Variants in PTPN23 observed in about 807,000 individuals in gnomAD.
The protein encoded by PTPN23 is protein tyrosine phosphatase non-receptor type 23.
In PTPN23, 72 loss-of-function variants were observed where a neutral mutation model predicts 156.3. The observed-to-expected ratio is 0.46, with a 90% confidence interval of 0.38 to 0.56. The LOEUF is 0.56. PTPN23 is among the 20% of genes least tolerant of loss of function. PTPN23 has a pLI of 0.00. For missense variants in PTPN23, 1,974 were observed against 2,171.5 expected (o/e 0.91, Z 1.81); for synonymous variants, 957 against 899.6 (o/e 1.06, Z -1.14).
intron 1 of PTPN23, among the ~76,000 whole-genome samples, chr3:47,391,425 C>T (rs185786854): frequency 3.7e-4 from 57 of 152,300 alleles, no homozygotes; most frequent in Non-Finnish European, 6.9e-4. Context: ...CTCATTTCCT[C>T]ATCTGTAAAG....
chr3:47,411,570 C>G lies in PTPN23; in HGVS notation c.3772C>G (p.Pro1258Ala). Residue 1258 changes from proline to alanine, a missense_variant, in exon 20 of 25, where the codon CCG becomes GCG. Coordinates refer to ENST00000265562, the MANE Select transcript of PTPN23 (RefSeq NM_015466.4). The surrounding 1 kb of genome is among the most constrained non-coding windows in gnomAD (Gnocchi z 6.3). ...CVEGLSPYCP[P>A]LVATQAPLPG... Reference sequence around the variant, plus strand: ...GGAGGGGCTCTCCCCATACTGCCCCCCGCTAGTGGCAACCCAGGCCCCACT... The same window carrying G: ...GGAGGGGCTCTCCCCATACTGCCCCGCGCTAGTGGCAACCCAGGCCCCACT... 6.2e-7 allele frequency: 1 copy of G among 1,612,624 alleles called. No homozygotes were observed.
At position 47,406,191 on chromosome 3, in the gene PTPN23, T is replaced by G; in HGVS notation, c.547-134T>G. ...TGTTGAATCAGGAGCACCGTGGTGC[T>G]GCTTGGAGTGGGGGCAGCTGGGGGA... On this transcript the variant is annotated intron_variant, in intron 6 of 24. Coordinates refer to ENST00000265562, the MANE Select transcript of PTPN23 (RefSeq NM_015466.4). The surrounding 1 kb of genome is among the most constrained non-coding windows in gnomAD (Gnocchi z 5.8). The G allele has an allele frequency of 1.4e-6, 2 of 1,466,136 alleles. No individual in the cohort carries two copies. The highest frequency in any genetic ancestry group is 2.5e-5 in the South Asian group (2 of 80,766). The allele number at this position is 1,466,136 out of a possible 1,614,324, so 90.8% of individuals were successfully genotyped here.
chr3:47,412,239 G>A, intron 22 of PTPN23, 41 bp downstream of exon 22: 2 of 1,613,184 alleles, frequency 1.2e-6, no homozygotes, highest in Non-Finnish European at 1.7e-6. Context: ...ATGGGCTCTT[G>A]GCCTAGCCTC....
In PTPN23 at chr3:47,404,817, A is replaced by C. The variant is rs1705084378; in HGVS notation, c.287+38A>C. 1.9e-6 allele frequency: 3 copies of C among 1,605,668 alleles called. No individual in the cohort carries two copies. In the African/African-American group the frequency reaches 4.0e-5, roughly 22 times the overall value. On this transcript the variant is annotated intron_variant, in intron 3 of 24. Transcript: ENST00000265562. ...GGCAGGGCTGGAGGATCCCACGGGG[A>C]GTCTGGGTGGTGGGGGTGCTCCTCC...
Position 47,412,376 on chromosome 3 carries a change from G to A in PTPN23, c.4272G>A (p.Leu1424=), listed in dbSNP as rs1705332797. Reference sequence around the variant, plus strand: ...ACGGAATCCCTGAGCTGCCTCAGCTGGTGCGGCGCATGCGGCAGCAGAGAA... The same window carrying A: ...ACGGAATCCCTGAGCTGCCTCAGCTAGTGCGGCGCATGCGGCAGCAGAGAA... The part of the protein sequence containing the change: ...AGNGIPELPQ[L]VRRMRQQRKH... The change falls in exon 23 of 25, where the codon CTG becomes CTA. Residue 1424 remains leucine, a synonymous_variant. Transcript: ENST00000265562. 6.2e-7 allele frequency: 1 copy of A among 1,613,206 alleles called. No individual in the cohort carries two copies. The highest frequency in any genetic ancestry group is 8.5e-7 in the Non-Finnish European group (1 of 1,180,026).
chr3:47,407,543 A>G lies in PTPN23; in HGVS notation c.962A>G (p.His321Arg). 1.2e-6 allele frequency: 2 copies of G among 1,613,976 alleles called. No individual in the cohort carries two copies. The highest frequency in any genetic ancestry group is 1.1e-5 in the South Asian group (1 of 91,070). ...SAKKDNDFIY[H>R]EAVPALDTLQ... ...AAGAAGGACAACGACTTCATTTACC[A>G]TGAGGCTGTCCCAGCATTGGACACT... The change falls in exon 12 of 25, where the codon CAT (histidine) becomes CGT (arginine). Residue 321 changes from histidine (H) to arginine (R), a missense_variant. Coordinates refer to ENST00000265562, the MANE Select transcript of PTPN23 (RefSeq NM_015466.4). This position sits in a 1 kb window ranked among gnomAD's most constrained non-coding sequence, Gnocchi z 4.0.
Position 47,412,333 on chromosome 3 carries a change from A to G in PTPN23, c.4229A>G (p.Gln1410Arg), listed in dbSNP as rs777259309. Reference protein sequence around the residue: ...GAFALLYAAVQEVEAGNGIPE... With the variant: ...GAFALLYAAVREVEAGNGIPE... ...TTTGCACTGCTCTATGCAGCTGTGC[A>G]GGAGGTGGAGGCTGGGAACGGAATC... The change falls in exon 23 of 25, where the codon CAG (glutamine) becomes CGG (arginine). Residue 1410 changes from glutamine (Q) to arginine (R), a missense_variant. By Grantham distance (43) the Gln-to-Arg change is conservative (BLOSUM62 1). Around this residue, in one of 4 missense-constraint regions of PTPN23, gnomAD observed 484 missense variants for 516.0 expected, o/e 0.94. Transcript: ENST00000265562. 6.2e-7 allele frequency: 1 copy of G among 1,613,362 alleles called. No homozygotes were observed. Among genetic ancestry groups the G allele is most frequent in the South Asian group, 1.1e-5 (1 of 91,086 alleles).
In PTPN23 at chr3:47,411,998, G is replaced by T. The variant is rs753037930; in HGVS notation, c.4073+31G>T. 28 of 1,605,766 alleles carry T rather than the reference G, an allele frequency of 1.7e-5. No individual in the cohort carries two copies. In the South Asian group the frequency reaches 3.0e-4, roughly 17 times the overall value. On this transcript the variant is annotated intron_variant, in intron 21 of 24. Coordinates refer to ENST00000265562, the MANE Select transcript of PTPN23 (RefSeq NM_015466.4). The surrounding 1 kb of genome is among the most constrained non-coding windows in gnomAD (Gnocchi z 6.3). ...TCCACTGCTCTGGATGGTGGTTGGG[G>T]GTCTAAGTGCTGTCCAGTCCTTGGT...
intron 2 of PTPN23, among the ~76,000 whole-genome samples, chr3:47,396,576 A>G (rs575986431): frequency 6.6e-6 from 1 of 152,146 alleles, no homozygotes; most frequent in Non-Finnish European, 1.5e-5. Flanking sequence ...CTCCATCTCA[A>G]AAACAACAAA....
chr3:47,400,188 A>G (rs1704964988), intron 2 of PTPN23, among the ~76,000 whole-genome samples: 1 of 152,212 alleles, frequency 6.6e-6, no homozygotes, highest in Non-Finnish European at 1.5e-5. Flanking sequence ...CTTTCAGTGA[A>G]AAAGTTATTG....
chr3:47,388,302 G>C (rs1440432515), intron 1 of PTPN23, among the ~76,000 whole-genome samples: 1 of 152,148 alleles, frequency 6.6e-6, no homozygotes. Context: ...TCTGCCTCCA[G>C]GTCTCAAGTG....
chr3:47,396,079 C>T, intron 1 of PTPN23, 64 bp from the exon 2 acceptor site: 7 of 1,369,626 alleles, frequency 5.1e-6, no homozygotes, highest in Non-Finnish European at 7.2e-6. Flanking sequence ...GGTGCTTGCC[C>T]AGGACTCAGA....
In PTPN23 at chr3:47,411,836, T is replaced by C; in HGVS notation, c.3942T>C (p.Gly1314=). 1 of 1,610,712 alleles carries C rather than the reference T, an allele frequency of 6.2e-7. No individual in the cohort carries two copies. The highest frequency in any genetic ancestry group is 1.1e-5 in the South Asian group (1 of 91,006). The change falls in exon 21 of 25, where the codon GGT becomes GGC. Residue 1314 remains glycine (G), a synonymous_variant. Coordinates refer to ENST00000265562, the MANE Select transcript of PTPN23 (RefSeq NM_015466.4). This position sits in a 1 kb window ranked among gnomAD's most constrained non-coding sequence, Gnocchi z 6.3. ...PTERGQPMVH[G]ALSLALSSVR... is the part of the protein sequence containing the mutation. The stretch of plus-strand genomic sequence containing the variant: ...AGAGGGGCCAGCCCATGGTGCACGG[T>C]GCCCTGAGCCTGGCATTGAGCAGCG...
rs139071945 is a variant in PTPN23 at position 47,411,495 on chromosome 3, C to T, written c.3697C>T (p.Arg1233Cys). The T allele has an allele frequency of 4.3e-6, 7 of 1,612,986 alleles. No individual in the cohort carries two copies. The highest frequency in any genetic ancestry group is 1.3e-5 in the African/African-American group (1 of 74,920). Residue 1233 changes from arginine (R) to cysteine (C), a missense_variant, in exon 20 of 25, where the codon CGT (arginine) becomes TGT (cysteine). Transcript: ENST00000265562. This position sits in a 1 kb window ranked among gnomAD's most constrained non-coding sequence, Gnocchi z 6.3. The part of the protein sequence containing the change: ...HQDVMPYDSN[R>C]VVLRSGKDDY... The stretch of plus-strand genomic sequence containing the variant: ...GGATGTCATGCCCTATGACAGTAAC[C>T]GTGTGGTGCTGCGCTCAGGCAAGGA...
At position 47,406,498 on chromosome 3, in the gene PTPN23, G is replaced by T. The variant is rs751102376; in HGVS notation, c.645G>T (p.Lys215Asn). The T allele has an allele frequency of 4.3e-6, 7 of 1,613,894 alleles. No individual in the cohort carries two copies. The highest frequency in any genetic ancestry group is 4.2e-6 in the Non-Finnish European group (5 of 1,180,010). The change falls in exon 8 of 25, where the codon AAG becomes AAT. Residue 215 changes from lysine to asparagine, a missense_variant. By Grantham distance (94) the Lys-to-Asn change is moderately conservative. Transcript: ENST00000265562. The surrounding 1 kb of genome is among the most constrained non-coding windows in gnomAD (Gnocchi z 5.8). ...GTTCTCAGGTGGTAGATTACTACAA[G>T]GAGGCATGCCGGGCCTTGGAGAACC... ...RISAQVVDYY[K>N]EACRALENPD...
Position 47,411,864 on chromosome 3 carries a change from C to T in PTPN23, c.3970C>T (p.Arg1324Cys), listed in dbSNP as rs368014248. The T allele has an allele frequency of 2.4e-5, 39 of 1,613,152 alleles. No homozygotes were observed. Among genetic ancestry groups the T allele is most frequent in the Non-Finnish European group, 3.2e-5 (38 of 1,179,992 alleles). The change falls in exon 21 of 25, where the codon CGC becomes TGC. Residue 1324 changes from arginine to cysteine, a missense_variant. Coordinates refer to ENST00000265562, the MANE Select transcript of PTPN23 (RefSeq NM_015466.4). This position sits in a 1 kb window ranked among gnomAD's most constrained non-coding sequence, Gnocchi z 6.3. ...GALSLALSSV[R>C]STETHVERVL... ...CCTGAGCCTGGCATTGAGCAGCGTC[C>T]GCAGCACCGAAACCCATGTGGAGCG...
At chr3:47,398,704 A>G (rs1170410103) in intron 2 of PTPN23, among the ~76,000 whole-genome samples, 1 of 151,932 alleles carries the variant, frequency 6.6e-6, no homozygotes, top group Non-Finnish European at 1.5e-5. Context: ...AGCTGGGACT[A>G]CAAGTGCACA....
In PTPN23 at chr3:47,412,512, A is replaced by G; in HGVS notation, c.4318-2A>G. 1 of 1,613,138 alleles carries G rather than the reference A, an allele frequency of 6.2e-7. No homozygotes were observed. The highest frequency in any genetic ancestry group is 8.5e-7 in the Non-Finnish European group (1 of 1,179,822). On this transcript the variant is annotated splice_acceptor_variant, in intron 23 of 24. Transcript: ENST00000265562. LOFTEE classifies it high-confidence loss of function. ...CTGACCTGGCCAAATGCACCTGTGCAGCTGCACCTCAGGTTCTGCTATGAG... is the reference window on the plus strand; with the variant it reads ...CTGACCTGGCCAAATGCACCTGTGCGGCTGCACCTCAGGTTCTGCTATGAG...
intron 2 of PTPN23, among the ~76,000 whole-genome samples, chr3:47,402,153 T>C (rs1331654595): frequency 1.3e-5 from 2 of 152,166 alleles, no homozygotes. Flanking sequence ...TTTTTTGTTG[T>C]TTTCCCCCCA....
Sources: gnomAD v4.1 joint callset for allele counts (sites outside exome capture counted in the v4.1 genomes callset) on GRCh38, gnomAD v4.1.1 for gene constraint, gnomAD v4.1.1 regional missense constraint, Gnocchi (gnomAD v3.1) non-coding constraint, MANE v1.5 for transcripts, NCBI Gene and HGNC (gene_info 2026-07-23, HGNC 2026-07-21) for gene names.